The following CYP19A1 variants were observed in gnomAD, a reference collection of about 807,000 sequenced individuals.
CYP19A1 encodes aromatase.
Under a neutral mutation model 44.4 loss-of-function variants are expected in CYP19A1, and 32 were observed. That is an observed-to-expected ratio of 0.72 (90% CI 0.54 to 0.97). The LOEUF (loss-of-function observed/expected upper bound fraction) is 0.97, where lower values mean the gene tolerates loss of function less well. Among genes scored for constraint, CYP19A1 ranks in the 50% least tolerant of loss-of-function variants. CYP19A1 has a pLI of 0.00. For synonymous variants in CYP19A1, 212 were observed against 215.6 expected, an observed-to-expected ratio of 0.98 and a Z score of 0.14; for missense variants, 598 against 637.8, an observed-to-expected ratio of 0.94 and a Z score of 0.67.
chr15:51,336,361 G>GA (rs1369169592), intron 1 of CYP19A1, among the ~76,000 whole-genome samples: 1 of 152,032 alleles, frequency 6.6e-6, no homozygotes, highest in Non-Finnish European at 1.5e-5. Context: ...ATAAAAGAAA[G>GA]AAAAAAGGGA....
chr15:51,219,474 T>C (rs1458574776), intron 5 of CYP19A1, among the ~76,000 whole-genome samples: 1 of 152,254 alleles, frequency 6.6e-6, no homozygotes, highest in East Asian at 1.9e-4. Context: ...ATTCTTGCCA[T>C]GGGCGTTGTG....
At chr15:51,221,313 G>A (rs1227406075) in intron 5 of CYP19A1, 1 of 152,026 alleles carries the variant, frequency 6.6e-6, no homozygotes, top group Non-Finnish European at 1.5e-5. Context: ...CTACTAAAAT[G>A]GAGACTAAAA....
chr15:51,219,059 G>T (rs2031843800), intron 5 of CYP19A1, among the ~76,000 whole-genome samples: 3 of 152,168 alleles, frequency 2.0e-5, no homozygotes, highest in Admixed American at 2.0e-4. Flanking sequence ...AGCCTGTTAG[G>T]TGGCTAACAA....
Position 51,330,640 on chromosome 15 carries a change from C to A in CYP19A1, c.-39+7855G>T, listed in dbSNP as rs554990221. ...GATAAAATCACCAAGGAAGAGTCAACAGAGTGAGGATGTAGGGCACAACCC... is the reference window on the plus strand; with the variant it reads ...GATAAAATCACCAAGGAAGAGTCAAAAGAGTGAGGATGTAGGGCACAACCC... On this transcript the variant is annotated intron_variant, in intron 1 of 9. Transcript: ENST00000396402. Among the ~76,000 whole-genome samples the A allele has an allele frequency of 9.2e-5, 14 of 152,178 alleles. No homozygotes were observed. The East Asian group carries it at 2.5e-3, about 27-fold the overall frequency.
At chr15:51,222,042 A>C (rs1032588014) in intron 5 of CYP19A1, 4 of 541,424 alleles carry the variant, frequency 7.4e-6, no homozygotes, top group Admixed American at 3.2e-5. Context: ...GATTGGTGGT[A>C]GGATATGTTA....
chr15:51,292,595 T>C (rs2035871916), intron 1 of CYP19A1, among the ~76,000 whole-genome samples: 1 of 152,236 alleles, frequency 6.6e-6, no homozygotes, highest in Non-Finnish European at 1.5e-5. Flanking sequence ...GGCAGCTGTC[T>C]GGGGAGAACA....
At chr15:51,241,034 C>T (rs190035983) in intron 2 of CYP19A1, among the ~76,000 whole-genome samples, 2 of 152,126 alleles carry the variant, frequency 1.3e-5, no homozygotes, top group Admixed American at 6.5e-5. Context: ...AAATAGCAAC[C>T]CCAAACTAGC....
intron 1 of CYP19A1, among the ~76,000 whole-genome samples, chr15:51,306,226 T>C (rs1171248073): frequency 6.6e-6 from 1 of 152,036 alleles, no homozygotes; most frequent in Non-Finnish European, 1.5e-5. Flanking sequence ...AGAGGTGAGG[T>C]GTACACACTC....
At chr15:51,229,784 T>C (rs1372685264) in intron 3 of CYP19A1, among the ~76,000 whole-genome samples, 1 of 152,210 alleles carries the variant, frequency 6.6e-6, no homozygotes, top group Admixed American at 6.5e-5. Context: ...ATTCACAAAC[T>C]AATATTTAAA....
chr15:51,300,226 G>C (rs1367436979), intron 1 of CYP19A1, among the ~76,000 whole-genome samples: 1 of 152,272 alleles, frequency 6.6e-6, no homozygotes, highest in East Asian at 1.9e-4. Flanking sequence ...CTCCTAAGGA[G>C]CCTTTAAAAA....
At chr15:51,229,389 CA>C (rs202007253) in intron 3 of CYP19A1, among the ~76,000 whole-genome samples, 28,838 of 96,392 alleles carry the variant, frequency 0.3, 3,000 homozygotes, top group Middle Eastern at 0.51. Flanking sequence ...GATCCTATCT[CA>C]AAAAAAAAAA....
At chr15:51,294,960 C>A (rs909787096) in intron 1 of CYP19A1, among the ~76,000 whole-genome samples, 5 of 149,504 alleles carry the variant, frequency 3.3e-5, no homozygotes, top group African/African-American at 1.2e-4. Context: ...GGAGACTTTT[C>A]ATTTTGTTCT....
intron 1 of CYP19A1, among the ~76,000 whole-genome samples, chr15:51,259,445 A>ACTGCACCT (rs1395932380): frequency 6.6e-6 from 1 of 152,206 alleles, no homozygotes; most frequent in African/African-American, 2.4e-5. Context: ...TGAATCGGAC[A>ACTGCACCT]CTGCACCTAG....
At chr15:51,262,331 G>A (rs972897747) in intron 1 of CYP19A1, among the ~76,000 whole-genome samples, 1 of 152,120 alleles carries the variant, frequency 6.6e-6, no homozygotes, top group Non-Finnish European at 1.5e-5. Context: ...CAGCTCTGAA[G>A]GCTGTGAGAC....
chr15:51,302,833 T>C (rs1226863979), intron 1 of CYP19A1, among the ~76,000 whole-genome samples: 2 of 152,220 alleles, frequency 1.3e-5, no homozygotes, highest in Non-Finnish European at 2.9e-5. Flanking sequence ...GAAACTGTAC[T>C]CGGCACTTTT....
chr15:51,308,639 A>G (rs2036256678), intron 1 of CYP19A1, among the ~76,000 whole-genome samples: 1 of 152,118 alleles, frequency 6.6e-6, no homozygotes, highest in Non-Finnish European at 1.5e-5. Context: ...TAGTGGTATG[A>G]AGAGGTACAT....
intron 1 of CYP19A1, among the ~76,000 whole-genome samples, chr15:51,275,714 G>A (rs554796901): frequency 6.6e-5 from 10 of 152,160 alleles, no homozygotes; most frequent in Non-Finnish European, 1.2e-4. Context: ...TCTCACCAGA[G>A]AAAGACTAAA....
At chr15:51,299,695 GA>G (rs2036072390) in intron 1 of CYP19A1, among the ~76,000 whole-genome samples, 1 of 152,218 alleles carries the variant, frequency 6.6e-6, no homozygotes, top group African/African-American at 2.4e-5. Flanking sequence ...AATGGCAGCT[GA>G]AAAAACAAGT....
At chr15:51,265,084 G>A (rs961344050) in intron 1 of CYP19A1, among the ~76,000 whole-genome samples, 1 of 152,186 alleles carries the variant, frequency 6.6e-6, no homozygotes, top group Non-Finnish European at 1.5e-5. Context: ...CTCATCCCCT[G>A]CCACTTGCCC....
Sources: allele counts gnomAD v4.1 joint callset (sites outside exome capture counted in the v4.1 genomes callset), GRCh38; gene constraint gnomAD v4.1.1; transcripts MANE v1.5; gene names NCBI Gene and HGNC (gene_info 2026-07-23, HGNC 2026-07-21).